KDR: variants seen among roughly 807,000 people sequenced by gnomAD.
The protein encoded by KDR is vascular endothelial growth factor receptor 2.
In KDR, 43 loss-of-function variants were observed where a neutral mutation model predicts 160.9. The observed-to-expected ratio is 0.27, with a 90% CI of 0.21 to 0.34. KDR has a LOEUF of 0.34. Ranked by LOEUF, KDR falls within the 10% of genes least tolerant of loss-of-function variation. The pLI is 1.00. For synonymous variants in KDR, 617 were observed against 600.1 expected (o/e 1.03, Z -0.41); for missense variants, 1,469 against 1,666.4 (o/e 0.88, Z 2.06).
chr4:55,079,830 G>A lies in KDR; in HGVS notation c.*111C>T. The stretch of plus-strand genomic sequence containing the variant: ...AGTCCGAGGTCCTTTTTCTGTTGTC[G>A]AAATGAAAATCAAATGCGGCTACTT... On this transcript the variant is annotated 3_prime_UTR_variant, in exon 30 of 30. Transcript: ENST00000263923. 5 of 1,008,472 alleles carry A rather than the reference G, an allele frequency of 5.0e-6. No individual in the cohort carries two copies. The highest frequency in any genetic ancestry group is 2.4e-5 in the East Asian group (1 of 42,040). 62.5% of individuals were successfully genotyped at this position (1,008,472 alleles called of 1,614,324 possible).
chr4:55,083,059 T>C (rs376197484), intron 27 of KDR, among the ~76,000 whole-genome samples: 2 of 152,148 alleles, frequency 1.3e-5, no homozygotes, highest in African/African-American at 2.4e-5. Context: ...AGAGCAACCA[T>C]TCAATGAAAG....
intron 18 of KDR, 68 bp downstream of exon 18, chr4:55,097,594 A>G (rs1578131707): frequency 9.7e-7 from 1 of 1,034,012 alleles, no homozygotes; most frequent in South Asian, 1.3e-5. Flanking sequence ...CTACTGATAC[A>G]AGCCTTGCAA....
Position 55,113,319 on chromosome 4 carries a change from A to T in KDR, c.961T>A (p.Phe321Ile), listed in dbSNP as rs141774293. 53 of 1,614,072 alleles carry T rather than the reference A, an allele frequency of 3.3e-5. No homozygotes were observed. Among genetic ancestry groups the T allele is most frequent in the Non-Finnish European group, 4.3e-5 (51 of 1,179,948 alleles). The change falls in exon 7 of 30, where the codon TTT becomes ATT. Residue 321 changes from phenylalanine to isoleucine, a missense_variant. Phe to Ile is a conservative substitution (Grantham distance 21). Around this residue, in one of 7 missense-constraint regions of KDR, gnomAD observed 792 missense variants for 840.9 expected, o/e 0.94. Coordinates refer to ENST00000263923, the MANE Select transcript of KDR (RefSeq NM_002253.4). ...CATAGCTTACCATGGACCCTGACAA[A>T]TGTGCTGTTCTTCTTGGTCATCAGC... ...SGLMTKKNST[F>I]VRVHEKPFVA...
chr4:55,105,839 G>T lies in KDR; in HGVS notation c.1638C>A (p.His546Gln). The stretch of plus-strand genomic sequence containing the variant: ...CCAGAGAAGAGTACTTACTGGTCAC[G>T]TGGAAGGAGATCACCCTCTCTCCTC... ...VGRGERVISF[H>Q]VTRGPEITLQ... Residue 546 changes from histidine (H) to glutamine (Q), a missense_variant, in exon 12 of 30, where the codon CAC becomes CAA. Physicochemically the swap from His to Gln is conservative, Grantham distance 24 (BLOSUM62 0). Transcript: ENST00000263923. The T allele has an allele frequency of 6.3e-7, 1 of 1,597,438 alleles. No individual in the cohort carries two copies. Among genetic ancestry groups the T allele is most frequent in the Non-Finnish European group, 8.6e-7 (1 of 1,164,810 alleles).
intron 19 of KDR, 23 bp downstream of exon 19, chr4:55,096,206 C>T (rs374056838): frequency 2.0e-6 from 3 of 1,480,880 alleles, no homozygotes; most frequent in African/African-American, 1.4e-5. Flanking sequence ...ATTGGGTGAC[C>T]AAAACCACCC....
rs115350631 is a variant in KDR at position 55,092,577 on chromosome 4, G to C, written c.3069+40C>G. On this transcript the variant is annotated intron_variant, in intron 22 of 29. Transcript: ENST00000263923. ...CTGGACATCTTATTTCCAAACCTGT[G>C]ATCTGAAAAGATAGCTGATTTCCCC... The C allele has an allele frequency of 2.0e-3, 2,774 of 1,393,680 alleles. 8 individuals carry two copies. Among genetic ancestry groups the C allele is most frequent in the Middle Eastern group, 5.8e-3 (33 of 5,662 alleles). 86.3% of individuals were successfully genotyped at this position (1,393,680 alleles called of 1,614,324 possible). A position where few individuals can be genotyped will look rare whatever the true frequency, so the allele number is the denominator to read the frequency against.
At position 55,105,859 on chromosome 4, in the gene KDR, C is replaced by T. The variant is rs748503151; in HGVS notation, c.1618G>A (p.Glu540Lys). ...GTCACGTGGAAGGAGATCACCCTCT[C>T]TCCTCTCCCGACTTTGTTGACCGCT... ...CEAVNKVGRG[E>K]RVISFHVTRG... Residue 540 changes from glutamate (E) to lysine (K), a missense_variant, in exon 12 of 30, where the codon GAG (glutamate) becomes AAG (lysine). Around this residue, in one of 7 missense-constraint regions of KDR, gnomAD observed 792 missense variants for 840.9 expected, o/e 0.94. Coordinates refer to ENST00000263923, the MANE Select transcript of KDR (RefSeq NM_002253.4). 8 of 1,612,776 alleles carry T rather than the reference C, an allele frequency of 5.0e-6. No homozygotes were observed. In the South Asian group the frequency reaches 8.8e-5, roughly 18 times the overall value.
In KDR at chr4:55,106,458, TACACAGATGCATAG is replaced by T. The variant is rs1334008924; in HGVS notation, c.1536+215_1536+228del. Among the ~76,000 whole-genome samples the T allele has an allele frequency of 2.0e-5, 3 of 152,354 alleles. No homozygotes were observed. The East Asian group carries it at 5.8e-4, about 29-fold the overall frequency. ...CATGTTTATAAAATCAGAATCACCC[TACACAGATGCATAG>T]ATTTAATGTCATAGATGTTTTTATT... On this transcript the variant is annotated intron_variant, in intron 11 of 29. Transcript: ENST00000263923.
intron 11 of KDR, among the ~76,000 whole-genome samples, chr4:55,106,276 C>T (rs899224624): frequency 3.9e-5 from 6 of 152,066 alleles, no homozygotes; most frequent in Non-Finnish European, 7.4e-5. Context: ...GGTTCAGAAT[C>T]TGGAGCATTT....
intron 2 of KDR, among the ~76,000 whole-genome samples, 175 bp from the exon 3 acceptor site, chr4:55,118,975 A>G (rs1962460): frequency 0.6 from 90,678 of 151,858 alleles, 27,395 homozygotes; most frequent in South Asian, 0.7. Context: ...TTGGGAGGCC[A>G]AGGCGGATGG....
At chr4:55,120,851 C>CGTGTGT (rs3034659) in intron 2 of KDR, among the ~76,000 whole-genome samples, 516 of 150,038 alleles carry the variant, frequency 3.4e-3, no homozygotes, top group South Asian at 0.013. Context: ...TATTTGTGTG[C>CGTGTGT]GTGTGTGTGT....
chr4:55,087,568 G>C, intron 27 of KDR, 39 bp downstream of exon 27: 1 of 1,604,548 alleles, frequency 6.2e-7, no homozygotes, highest in Non-Finnish European at 8.5e-7. Context: ...TGGCCTTGAA[G>C]TCACCCTCCC....
intron 22 of KDR, 56 bp from the exon 23 acceptor site, chr4:55,090,134 C>CT (rs1464760328): frequency 6.2e-7 from 1 of 1,604,616 alleles, no homozygotes; most frequent in Non-Finnish European, 8.5e-7. Context: ...TCTTTCACAT[C>CT]TGTTGTGACC....
At chr4:55,090,232 A>C (rs1034768948) in intron 22 of KDR, among the ~76,000 whole-genome samples, 154 bp from the exon 23 acceptor site, 1 of 152,318 alleles carries the variant, frequency 6.6e-6, no homozygotes, top group African/African-American at 2.4e-5. Context: ...TCAGGAAAAA[A>C]GTCTGTGAGC....
At position 55,079,867 on chromosome 4, in the gene KDR, A is replaced by G; in HGVS notation, c.*74T>C. 6.7e-6 allele frequency: 9 copies of G among 1,340,556 alleles called. No individual in the cohort carries two copies. The highest frequency in any genetic ancestry group is 2.3e-5 in the South Asian group (2 of 85,684). The allele number at this position is 1,340,556 out of a possible 1,614,324, so 83.0% of individuals were successfully genotyped here. On this transcript the variant is annotated 3_prime_UTR_variant, in exon 30 of 30. Coordinates refer to ENST00000263923, the MANE Select transcript of KDR (RefSeq NM_002253.4). ...AAATGCGGCTACTTCCTGCTGGTGGAAAGAACAACACTTGAAAATCTGAGC... is the reference window on the plus strand; with the variant it reads ...AAATGCGGCTACTTCCTGCTGGTGGGAAGAACAACACTTGAAAATCTGAGC...
chr4:55,116,071 T>C (rs1018874303), intron 3 of KDR, among the ~76,000 whole-genome samples: 2 of 152,198 alleles, frequency 1.3e-5, no homozygotes, highest in South Asian at 4.1e-4. Flanking sequence ...GTCATTGATA[T>C]CTTCAATGAC....
chr4:55,095,034 T>A, intron 20 of KDR, 79 bp from the exon 21 acceptor site: 1 of 1,362,032 alleles, frequency 7.3e-7, no homozygotes, highest in Non-Finnish European at 1.0e-6. Context: ...TAAAATGTAG[T>A]AAACCATGGA....
At chr4:55,103,536 C>A (rs1414259966) in intron 13 of KDR, among the ~76,000 whole-genome samples, 1 of 152,142 alleles carries the variant, frequency 6.6e-6, no homozygotes, top group Non-Finnish European at 1.5e-5. Flanking sequence ...TCTGCCATAA[C>A]CTTGAAGCCA....
intron 22 of KDR, chr4:55,092,381 G>T: frequency 1.9e-6 from 1 of 517,544 alleles, no homozygotes. Flanking sequence ...GTGCTCAGAA[G>T]ACTGCCTCAC....
Sources: gnomAD v4.1 joint callset for allele counts (sites outside exome capture counted in the v4.1 genomes callset) on GRCh38, gnomAD v4.1.1 for gene constraint, gnomAD v4.1.1 regional missense constraint, MANE v1.5 for transcripts, NCBI Gene and HGNC (gene_info 2026-07-23, HGNC 2026-07-21) for gene names.